Variants in HACD1 observed in about 807,000 individuals in gnomAD.
The protein encoded by HACD1 is 3-hydroxyacyl-CoA dehydratase 1.
In HACD1, 41 loss-of-function variants were observed where a neutral mutation model predicts 32.0. The observed-to-expected ratio is 1.28, with a 90% confidence interval of 1.00 to 1.66. HACD1 has a LOEUF of 1.66. HACD1 is among the 40% of genes most tolerant of loss of function. The probability of loss-of-function intolerance (pLI) is 0.00; values close to 1 mark genes in which losing one functional copy is unlikely to be tolerated. For synonymous variants in HACD1, 142 were observed against 139.0 expected, an observed-to-expected ratio of 1.02 and a Z score of -0.15; for missense variants, 396 against 380.1, an observed-to-expected ratio of 1.04 and a Z score of -0.35.
At chr10:17,603,266 G>T in intron 4 of HACD1, 1 of 250,214 alleles carries the variant, frequency 4.0e-6, no homozygotes, top group Non-Finnish European at 7.6e-6. Context: ...AACTTCTATA[G>T]AAAAGAACAT....
chr10:17,593,101 C>T (rs1833949239), intron 6 of HACD1, among the ~76,000 whole-genome samples: 1 of 151,914 alleles, frequency 6.6e-6, no homozygotes. Context: ...ACCTGAGAGG[C>T]AGCGATTGGA....
rs114418138 is a variant in HACD1 at position 17,589,853 on chromosome 10, T to C, written c.*511A>G. 1 of 152,320 alleles carries C rather than the reference T, an allele frequency of 6.6e-6. No homozygotes were observed. Among genetic ancestry groups the C allele is most frequent in the African/African-American group, 2.4e-5 (1 of 41,578 alleles). 9.4% of individuals were successfully genotyped at this position (152,320 alleles called of 1,614,324 possible). ...TTTATCTACATCAAAAGTCTTACTTTAGCAAATTATATCCACGCTTCCAAA... is the reference window on the plus strand; with the variant it reads ...TTTATCTACATCAAAAGTCTTACTTCAGCAAATTATATCCACGCTTCCAAA... On this transcript the variant is annotated 3_prime_UTR_variant, in exon 7 of 7. Transcript: ENST00000361271.
At chr10:17,616,628 A>G (rs1833088046) in intron 1 of HACD1, among the ~76,000 whole-genome samples, 1 of 149,988 alleles carries the variant, frequency 6.7e-6, no homozygotes, top group Admixed American at 6.7e-5. Context: ...GACAAGCTCT[A>G]GGACGTGCTG....
At chr10:17,605,546 A>G (rs1414273900) in intron 1 of HACD1, among the ~76,000 whole-genome samples, 2 of 150,554 alleles carry the variant, frequency 1.3e-5, no homozygotes, top group Non-Finnish European at 3.0e-5. Flanking sequence ...AAAAAAAGTC[A>G]TCAATTAATA....
chr10:17,599,099 G>A lies in HACD1; in HGVS notation c.605+191C>T, dbSNP rs572541527. The A allele has an allele frequency of 2.3e-3, 2,369 of 1,025,836 alleles. 5 individuals carry two copies. The highest frequency in any genetic ancestry group is 3.3e-3 in the Admixed American group (86 of 25,894). The allele number at this position is 1,025,836 out of a possible 1,614,324, so 63.5% of individuals were successfully genotyped here. A position where few individuals can be genotyped will look rare whatever the true frequency, so the allele number is the denominator to read the frequency against. ...TTTCACTCAAAATATTTATTAATAC[G>A]ATTCCTCTCTCATCATTAAGCTTTT... On this transcript the variant is annotated intron_variant, in intron 5 of 6. Transcript: ENST00000361271.
At chr10:17,590,867 A>T (rs1040140709) in intron 6 of HACD1, among the ~76,000 whole-genome samples, 1 of 152,014 alleles carries the variant, frequency 6.6e-6, no homozygotes, top group Admixed American at 6.6e-5. Context: ...TAGAGATGGG[A>T]TTTCACCAGG....
intron 6 of HACD1, among the ~76,000 whole-genome samples, chr10:17,592,843 G>T (rs1833946288): frequency 6.6e-6 from 1 of 152,182 alleles, no homozygotes; most frequent in Non-Finnish European, 1.5e-5. Context: ...GGCTGAAGTG[G>T]TAGAAGACAA....
chr10:17,607,790 C>A (rs896523785), intron 1 of HACD1, among the ~76,000 whole-genome samples: 1 of 152,146 alleles, frequency 6.6e-6, no homozygotes, highest in South Asian at 2.1e-4. Flanking sequence ...AAGGACCCAT[C>A]GAAACATCTA....
At chr10:17,612,348 G>A (rs371953395) in intron 1 of HACD1, among the ~76,000 whole-genome samples, 1 of 152,040 alleles carries the variant, frequency 6.6e-6, no homozygotes, top group Non-Finnish European at 1.5e-5. Context: ...AAGTGAAAAT[G>A]GAAAAATATA....
intron 1 of HACD1, among the ~76,000 whole-genome samples, chr10:17,610,920 G>A (rs1292645827): frequency 6.6e-6 from 1 of 151,396 alleles, no homozygotes; most frequent in African/African-American, 2.4e-5. Context: ...AAACATGTTA[G>A]CAAAGCATCT....
intron 5 of HACD1, among the ~76,000 whole-genome samples, chr10:17,597,569 C>T (rs574622752): frequency 5.9e-5 from 9 of 151,702 alleles, no homozygotes; most frequent in Non-Finnish European, 1.0e-4. Flanking sequence ...TCTAATGTGC[C>T]AACCTCAGGA....
At position 17,590,374 on chromosome 10, in the gene HACD1, T is replaced by G. The variant is rs1833913305; in HGVS notation, c.857A>C (p.Lys286Thr). 6.3e-7 allele frequency: 1 copy of G among 1,594,308 alleles called. No individual in the cohort carries two copies. The highest frequency in any genetic ancestry group is 2.3e-5 in the East Asian group (1 of 44,392). ...KVLHGEVIVE[K>T]DD ...GTTTGCAGAGATCATTTAATCATCC[T>G]TTTCTACAATCACCTCTCCATGAAG... Residue 286 changes from lysine (K) to threonine (T), a missense_variant, in exon 7 of 7, where the codon AAG becomes ACG. Lys to Thr is a moderately conservative substitution (Grantham distance 78, BLOSUM62 -1). Coordinates refer to ENST00000361271, the MANE Select transcript of HACD1 (RefSeq NM_014241.4).
chr10:17,602,562 C>T (rs1048827581), intron 4 of HACD1, among the ~76,000 whole-genome samples: 45 of 152,202 alleles, frequency 3.0e-4, no homozygotes, highest in African/African-American at 1.0e-3. Context: ...ATTTAAATTG[C>T]ATATATTTAT....
At chr10:17,613,094 TGG>T (rs1491289313) in intron 1 of HACD1, among the ~76,000 whole-genome samples, 20 of 130,576 alleles carry the variant, frequency 1.5e-4, no homozygotes, top group African/African-American at 6.2e-4. Context: ...CTTTGCAATT[TGG>T]GGTGTGTGTG....
chr10:17,616,911 C>A (rs934961682), intron 1 of HACD1, among the ~76,000 whole-genome samples, 172 bp downstream of exon 1: 13 of 152,144 alleles, frequency 8.5e-5, no homozygotes, highest in African/African-American at 1.4e-4. Context: ...GGGCCCGGCC[C>A]CCCCGCCCGC....
intron 1 of HACD1, chr10:17,615,915 C>G (rs781877449): frequency 9.8e-6 from 4 of 407,242 alleles, no homozygotes; most frequent in Non-Finnish European, 2.0e-5. Context: ...TGGCAGTGAG[C>G]GGAGATCGCG....
chr10:17,599,298 T>G lies in HACD1; in HGVS notation c.597A>C (p.Lys199Asn), dbSNP rs370099067. Residue 199 changes from lysine (K) to asparagine (N), a missense_variant, in exon 5 of 7, where the codon AAA becomes AAC. Lys to Asn is a moderately conservative substitution (Grantham distance 94). Transcript: ENST00000361271. The part of the protein sequence containing the change: ...SLLDHLPYFI[K>N]WARYNFFIIL... ...CTGCAAGATATCGCCACCTGGCCCA[T>G]TTAATGAAGTATGGCAAGTGGTCAA... 1.2e-6 allele frequency: 2 copies of G among 1,613,816 alleles called. No homozygotes were observed. The highest frequency in any genetic ancestry group is 2.7e-5 in the African/African-American group (2 of 74,928).
intron 1 of HACD1, among the ~76,000 whole-genome samples, chr10:17,609,155 G>GTTTTTTTTTTTTTTTTTTTTTTTTTTT (rs56347429): frequency 2.3e-5 from 3 of 132,122 alleles, no homozygotes; most frequent in African/African-American, 8.6e-5. Context: ...TGTGCAAAAG[G>GTTTTTTTTTTTTTTTTTTTTTTTTTTT]TTTTTTTTTT....
intron 4 of HACD1, among the ~76,000 whole-genome samples, chr10:17,600,363 G>C (rs146133354): frequency 6.6e-6 from 1 of 151,992 alleles, no homozygotes; most frequent in Non-Finnish European, 1.5e-5. Flanking sequence ...TATGTGAGAC[G>C]GAGTCTTGCT....
Sources: allele counts gnomAD v4.1 joint callset (sites outside exome capture counted in the v4.1 genomes callset), GRCh38; gene constraint gnomAD v4.1.1; transcripts MANE v1.5; gene names NCBI Gene and HGNC (gene_info 2026-07-23, HGNC 2026-07-21).